Variants in LRRC3B observed in about 807,000 individuals in gnomAD.
The protein encoded by LRRC3B is leucine rich repeat containing 3B.
LRRC3B carries 2 observed loss-of-function variants against 12.8 expected under a neutral mutation model. The ratio of observed to expected loss-of-function variants is 0.16; its 90% CI spans 0.06 to 0.49. The LOEUF (loss-of-function observed/expected upper bound fraction) is 0.49. LRRC3B is among the 20% of genes least tolerant of loss of function. The probability of loss-of-function intolerance (pLI) is 0.96; values close to 1 mark genes in which losing one functional copy is unlikely to be tolerated. For missense variants in LRRC3B, 189 were observed against 319.4 expected, an observed-to-expected ratio of 0.59 and a Z score of 3.11; for synonymous variants, 132 against 122.0, an observed-to-expected ratio of 1.08 and a Z score of -0.54.
intron 1 of LRRC3B, among the ~76,000 whole-genome samples, chr3:26,684,011 C>A (rs1268566321): frequency 1.3e-5 from 2 of 152,320 alleles, no homozygotes; most frequent in East Asian, 3.9e-4. Context: ...GTCCTTCTGG[C>A]TGAATTGTCT....
At chr3:26,660,890 G>T (rs1456019221) in intron 1 of LRRC3B, among the ~76,000 whole-genome samples, 3 of 152,008 alleles carry the variant, frequency 2.0e-5, no homozygotes, top group Middle Eastern at 3.2e-3. Flanking sequence ...ACATACCATG[G>T]GACTGTGGTG....
In LRRC3B at chr3:26,702,510, C is replaced by T. The variant is rs1223384493; in HGVS notation, c.-160-7003C>T. Among the ~76,000 whole-genome samples the T allele has an allele frequency of 5.3e-5, 8 of 152,192 alleles. No homozygotes were observed. In the South Asian group the frequency reaches 8.3e-4, roughly 16 times the overall value. ...TCTGATAAATCTCATATTTGTGGAA[C>T]GAAGTGCCATTCATCATCAGTTTTC... On this transcript the variant is annotated intron_variant, in intron 1 of 1. Coordinates refer to ENST00000396641, the Ensembl canonical transcript of LRRC3B.
chr3:26,708,263 T>C (rs1700653703), intron 1 of LRRC3B, among the ~76,000 whole-genome samples: 1 of 152,184 alleles, frequency 6.6e-6, no homozygotes, highest in Non-Finnish European at 1.5e-5. Context: ...CCCTACAAAA[T>C]GCAGAGGGAC....
intron 1 of LRRC3B, among the ~76,000 whole-genome samples, chr3:26,682,325 C>A (rs1371146142): frequency 6.6e-6 from 1 of 152,148 alleles, no homozygotes; most frequent in African/African-American, 2.4e-5. Context: ...ACACACATAG[C>A]TTGCCTCTCA....
intron 1 of LRRC3B, among the ~76,000 whole-genome samples, chr3:26,680,109 A>C (rs1027512416): frequency 6.6e-6 from 1 of 151,948 alleles, no homozygotes; most frequent in East Asian, 1.9e-4. Context: ...ACAGGGCTTA[A>C]AATTCAGTAT....
At chr3:26,681,892 T>C (rs1699978356) in intron 1 of LRRC3B, among the ~76,000 whole-genome samples, 1 of 152,204 alleles carries the variant, frequency 6.6e-6, no homozygotes, top group Admixed American at 6.5e-5. Context: ...TGAATAGTAC[T>C]AAACCCTACA....
intron 1 of LRRC3B, among the ~76,000 whole-genome samples, chr3:26,645,173 G>T (rs948551251): frequency 1.3e-5 from 2 of 152,094 alleles, no homozygotes; most frequent in African/African-American, 2.4e-5. Context: ...GGAAAAAATA[G>T]ACTTTTTGAG....
intron 1 of LRRC3B, among the ~76,000 whole-genome samples, chr3:26,695,309 C>G (rs1488130706): frequency 2.0e-5 from 3 of 152,156 alleles, no homozygotes; most frequent in Non-Finnish European, 2.9e-5. Flanking sequence ...GGGGGGACCA[C>G]GAGGTCAGGA....
chr3:26,694,541 A>G (rs766785117), intron 1 of LRRC3B: 3 of 152,226 alleles, frequency 2.0e-5, no homozygotes, highest in Non-Finnish European at 4.4e-5. Context: ...AGCATCTACC[A>G]TGAGACAGTC....
At chr3:26,709,628 T>C in exon 2 of LRRC3B, 1 of 1,584,352 alleles carries the variant, frequency 6.3e-7, no homozygotes. Context: ...CCACGCTTGT[T>C]GGAGTAGATG....
At chr3:26,704,871 G>A (rs772817750) in intron 1 of LRRC3B, among the ~76,000 whole-genome samples, 21 of 152,146 alleles carry the variant, frequency 1.4e-4, no homozygotes, top group Middle Eastern at 3.4e-3. Context: ...GTTTTTCCCC[G>A]TTGATTTGAA....
intron 1 of LRRC3B, among the ~76,000 whole-genome samples, chr3:26,704,608 C>T (rs1339602242): frequency 6.6e-6 from 1 of 151,722 alleles, no homozygotes; most frequent in Admixed American, 6.6e-5. Flanking sequence ...CTATGTTGCC[C>T]TGTCTGAACT....
Position 26,636,959 on chromosome 3 carries a change from T to TTTCTTTCTTTCC in LRRC3B, c.-161+13733_-161+13734insCTTCTTTCTTTC, listed in dbSNP as rs1491537775. Among the ~76,000 whole-genome samples the TTTCTTTCTTTCC allele has an allele frequency of 9.6e-5, 12 of 125,112 alleles. 1 individual carries two copies. The highest frequency in any genetic ancestry group is 3.2e-4 in the African/African-American group (10 of 31,104). The allele number at this position is 125,112 out of a possible 152,430, so 82.1% of individuals were successfully genotyped here. The stretch of plus-strand genomic sequence containing the variant: ...CTTTCTTTCTTTCTTTCTTTCTTTC[T>TTTCTTTCTTTCC]TTCTTTCTTTCTTTCTCTCTCTCTC... On this transcript the variant is annotated intron_variant, in intron 1 of 1. Transcript: ENST00000396641.
intron 1 of LRRC3B, among the ~76,000 whole-genome samples, chr3:26,638,570 A>G (rs1698953680): frequency 6.6e-6 from 1 of 152,236 alleles, no homozygotes; most frequent in Admixed American, 6.5e-5. Flanking sequence ...CAGTTCTTAG[A>G]AAAATAAGAC....
At chr3:26,702,806 GCAAAGCAAGGGA>G (rs1700490346) in intron 1 of LRRC3B, among the ~76,000 whole-genome samples, 1 of 152,122 alleles carries the variant, frequency 6.6e-6, no homozygotes, top group South Asian at 2.1e-4. Context: ...CCATGAGAAT[GCAAAGCAAGGGA>G]CACGTAGAAT....
intron 1 of LRRC3B, among the ~76,000 whole-genome samples, chr3:26,706,287 A>C (rs1289075951): frequency 2.6e-5 from 4 of 152,302 alleles, no homozygotes; most frequent in Non-Finnish European, 5.9e-5. Flanking sequence ...TAGATATCAG[A>C]ATATGTGAAG....
At chr3:26,694,844 T>C (rs1297235438) in intron 1 of LRRC3B, 3 of 152,218 alleles carry the variant, frequency 2.0e-5, no homozygotes, top group African/African-American at 4.8e-5. Flanking sequence ...TGTCTATCAA[T>C]GCCTCCTGGC....
intron 1 of LRRC3B, among the ~76,000 whole-genome samples, chr3:26,658,969 G>A (rs971501159): frequency 1.3e-5 from 2 of 152,218 alleles, no homozygotes; most frequent in Admixed American, 6.5e-5. Context: ...GTGGTATCAG[G>A]TGCTAACTTC....
At chr3:26,696,972 A>C (rs541844783) in intron 1 of LRRC3B, among the ~76,000 whole-genome samples, 1 of 152,156 alleles carries the variant, frequency 6.6e-6, no homozygotes, top group Admixed American at 6.6e-5. Flanking sequence ...TTTAGATAAT[A>C]ACCATTTTGT....
Sources: allele counts gnomAD v4.1 joint callset (sites outside exome capture counted in the v4.1 genomes callset), GRCh38; gene constraint gnomAD v4.1.1; transcripts MANE v1.5; gene names NCBI Gene and HGNC (gene_info 2026-07-23, HGNC 2026-07-21).